Variants in GFAP observed in about 807,000 individuals in gnomAD.
GFAP encodes the protein intermediate filament protein.
A neutral mutation model predicts 49.3 loss-of-function variants in GFAP; 38 were observed. The observed-to-expected ratio is 0.77, with a 90% CI of 0.60 to 1.01. The LOEUF is 1.01. Among genes scored for constraint, GFAP ranks in the 50% least tolerant of loss-of-function variants. GFAP has a pLI of 0.00. For synonymous variants in GFAP, 222 were observed against 236.4 expected, an observed-to-expected ratio of 0.94 and a Z score of 0.56; for missense variants, 463 against 579.1, an observed-to-expected ratio of 0.80 and a Z score of 2.06.
rs980596796 is a variant in GFAP, at chr17:44,907,140, T to C, written c.*207A>G. 35 of 615,368 alleles carry C rather than the reference T, an allele frequency of 5.7e-5. No homozygotes were observed. The highest frequency in any genetic ancestry group is 3.6e-4 in the Admixed American group (14 of 38,976). 38.1% of individuals were successfully genotyped at this position (615,368 alleles called of 1,614,324 possible). On this transcript the variant is annotated 3_prime_UTR_variant, in exon 9 of 9. Coordinates refer to ENST00000588735, the MANE Select transcript of GFAP (RefSeq NM_002055.5). ...TGAGTTTCTTGTTAGTTGGAGTTGC[T>C]GGGTGCTGGGTGGGTGCCGTCTGGC...
chr17:44,908,008 G>T, intron 8 of GFAP, 56 bp downstream of exon 8: 2 of 1,218,188 alleles, frequency 1.6e-6, no homozygotes, highest in African/African-American at 1.5e-5. Context: ...CCATGGCCTG[G>T]CCTTGAGAAT....
chr17:44,914,259 G>A (rs950267380), intron 1 of GFAP, 171 bp from the exon 2 acceptor site: 1 of 608,480 alleles, frequency 1.6e-6, no homozygotes, highest in Non-Finnish European at 3.0e-6. Flanking sequence ...TCTGGAGGAT[G>A]AGCAGATGTG....
In GFAP at chr17:44,903,764, A is replaced by G; in HGVS notation, c.*3583T>C. 1 of 1,477,500 alleles carries G rather than the reference A, an allele frequency of 6.8e-7. No individual in the cohort carries two copies. Among genetic ancestry groups the G allele is most frequent in the East Asian group, 2.5e-5 (1 of 40,444 alleles). 91.5% of individuals were successfully genotyped at this position (1,477,500 alleles called of 1,614,324 possible). On this transcript the variant is annotated 3_prime_UTR_variant, in exon 9 of 9. Transcript: ENST00000588735. ...AGGCTTCCGCTTAGCAGAGCTTTCT[A>G]GGAGCCCTATGAGCCTTTAATGCCC... is the stretch of plus-strand genomic sequence containing the variant.
At chr17:44,911,592 C>A in intron 5 of GFAP, 80 bp downstream of exon 5, 1 of 1,587,966 alleles carries the variant, frequency 6.3e-7, no homozygotes, top group Non-Finnish European at 8.6e-7. Context: ...AGGTCCTCGT[C>A]CCTGGCCCTT....
At position 44,915,293 on chromosome 17, in the gene GFAP, G is replaced by A. The variant is rs553164022; in HGVS notation, c.194C>T (p.Thr65Ile). The change falls in exon 1 of 9, where the codon ACC becomes ATC. Residue 65 changes from threonine to isoleucine, a missense_variant. Physicochemically the swap from Thr to Ile is moderately conservative, Grantham distance 89. Coordinates refer to ENST00000588735, the MANE Select transcript of GFAP (RefSeq NM_002055.5). This position sits in a 1 kb window ranked among gnomAD's most constrained non-coding sequence, Gnocchi z 4.1. ...AGALNAGFKE[T>I]RASERAEMME... ...CATCTCTGCCCGCTCACTGGCCCGG[G>A]TCTCCTTGAAGCCAGCATTGAGTGC... 1 of 1,614,130 alleles carries A rather than the reference G, an allele frequency of 6.2e-7. No homozygotes were observed. The highest frequency in any genetic ancestry group is 2.2e-5 in the East Asian group (1 of 44,878).
chr17:44,912,116 T>G (rs923538930), intron 4 of GFAP, among the ~76,000 whole-genome samples: 2 of 151,258 alleles, frequency 1.3e-5, no homozygotes, highest in Non-Finnish European at 2.9e-5. Context: ...GTGTTTTTGT[T>G]TTTTTGTTTT....
chr17:44,913,899 C>T (rs267607668), intron 2 of GFAP, 76 bp from the exon 3 acceptor site: 3 of 1,383,258 alleles, frequency 2.2e-6, no homozygotes, highest in Admixed American at 1.7e-5. Context: ...TCAGCCTTGC[C>T]TTACCCCTCC....
At position 44,905,181 on chromosome 17, in the gene GFAP, A is replaced by G; in HGVS notation, c.*2166T>C. On this transcript the variant is annotated 3_prime_UTR_variant, in exon 9 of 9. Coordinates refer to ENST00000588735, the MANE Select transcript of GFAP (RefSeq NM_002055.5). ...TGGGACAGGTGGTAGGAACATGTGG[A>G]CAAATCTGTTACAGCCTGCTCCCCA... 1 of 829,806 alleles carries G rather than the reference A, an allele frequency of 1.2e-6. No homozygotes were observed. The allele number at this position is 829,806 out of a possible 1,614,324, so 51.4% of individuals were successfully genotyped here. A position where few individuals can be genotyped will look rare whatever the true frequency, so the allele number is the denominator to read the frequency against.
At position 44,903,657 on chromosome 17, in the gene GFAP, G is replaced by C; in HGVS notation, c.*3690C>G. On this transcript the variant is annotated 3_prime_UTR_variant, in exon 9 of 9. Transcript: ENST00000588735. ...AGAAGGGCATCTTGTACATCCACTG[G>C]GAATAAATTGCCTTGCACTTGGCGG... 3 of 1,433,458 alleles carry C rather than the reference G, an allele frequency of 2.1e-6. No homozygotes were observed. Among genetic ancestry groups the C allele is most frequent in the Non-Finnish European group, 2.7e-6 (3 of 1,099,954 alleles). The allele number at this position is 1,433,458 out of a possible 1,614,324, so 88.8% of individuals were successfully genotyped here.
In GFAP at chr17:44,903,394, C is replaced by G; in HGVS notation, c.*3953G>C. On this transcript the variant is annotated 3_prime_UTR_variant, in exon 9 of 9. Coordinates refer to ENST00000588735, the MANE Select transcript of GFAP (RefSeq NM_002055.5). ...CCAGCCTCCCGGATGGCCAGATATG[C>G]AGGAGGGTGGGTTTCCTTCATCCCC... The G allele has an allele frequency of 8.0e-7, 1 of 1,251,090 alleles. No homozygotes were observed. Among genetic ancestry groups the G allele is most frequent in the Non-Finnish European group, 1.0e-6 (1 of 999,304 alleles). 77.5% of individuals were successfully genotyped at this position (1,251,090 alleles called of 1,614,324 possible).
At chr17:44,914,169 T>TATTCAA in intron 1 of GFAP, 81 bp from the exon 2 acceptor site, 1 of 1,032,424 alleles carries the variant, frequency 9.7e-7, no homozygotes, top group Non-Finnish European at 1.5e-6. Context: ...TTGAGGCAGC[T>TATTCAA]GTCACAGAGA....
In GFAP at chr17:44,915,356, G is replaced by A. The variant is rs1353517133; in HGVS notation, c.131C>T (p.Pro44Leu). Residue 44 changes from proline (P) to leucine (L), a missense_variant, in exon 1 of 9, where the codon CCT becomes CTT. By Grantham distance (98) the Pro-to-Leu change is moderately conservative. This residue lies in a region of GFAP where 89 missense variants were observed against 87.5 expected (regional missense o/e 1.02). Transcript: ENST00000588735. This position sits in a 1 kb window ranked among gnomAD's most constrained non-coding sequence, Gnocchi z 4.1. ...GAAATCCACCCGGGTCGGGAGTGGAGGGGGCATTCGAGCCAGGGAGAGGCG... is the reference window on the plus strand; with the variant it reads ...GAAATCCACCCGGGTCGGGAGTGGAAGGGGCATTCGAGCCAGGGAGAGGCG... ...GTRLSLARMP[P>L]PLPTRVDFSL... is the part of the protein sequence containing the mutation. 1.2e-6 allele frequency: 2 copies of A among 1,611,396 alleles called. No individual in the cohort carries two copies. The highest frequency in any genetic ancestry group is 1.3e-5 in the African/African-American group (1 of 74,904).
chr17:44,915,468 T>C lies in GFAP; in HGVS notation c.19A>G (p.Thr7Ala), dbSNP rs1567779198. Residue 7 changes from threonine (T) to alanine (A), a missense_variant, in exon 1 of 9, where the codon ACC becomes GCC. Physicochemically the swap from Thr to Ala is moderately conservative, Grantham distance 58. This residue lies in a region of GFAP where 89 missense variants were observed against 87.5 expected (regional missense o/e 1.02). Coordinates refer to ENST00000588735, the MANE Select transcript of GFAP (RefSeq NM_002055.5). This position sits in a 1 kb window ranked among gnomAD's most constrained non-coding sequence, Gnocchi z 4.1. MERRRI[T>A]SAARRSYVSS... ...ACGTAGGAGCGGCGAGCAGCGGAGGTGATGCGTCTCCTCTCCATCCTGCTC... is the reference window on the plus strand; with the variant it reads ...ACGTAGGAGCGGCGAGCAGCGGAGGCGATGCGTCTCCTCTCCATCCTGCTC... 1 of 1,589,780 alleles carries C rather than the reference T, an allele frequency of 6.3e-7. No individual in the cohort carries two copies. Among genetic ancestry groups the C allele is most frequent in the Non-Finnish European group, 8.6e-7 (1 of 1,169,064 alleles).
chr17:44,904,566 C>CAA lies in GFAP; in HGVS notation c.*2779_*2780dup. 1 of 1,550,590 alleles carries CAA rather than the reference C, an allele frequency of 6.4e-7. No individual in the cohort carries two copies. Reference sequence around the variant, plus strand: ...AGCTGCTTAGTACCCTGTGAGAAGACAAAGACCATCCGGGAGGGCGTGCTG... The same window carrying CAA: ...AGCTGCTTAGTACCCTGTGAGAAGACAAAAAGACCATCCGGGAGGGCGTGCTG... On this transcript the variant is annotated 3_prime_UTR_variant, in exon 9 of 9. Transcript: ENST00000588735.
Position 44,903,980 on chromosome 17 carries a change from C to T in GFAP, c.*3367G>A. ...CTACCTGGCCGACATGAGCTTTGAGCTTCCCTGTCACTGCAAACCCGAAGA... is the reference window on the plus strand; with the variant it reads ...CTACCTGGCCGACATGAGCTTTGAGTTTCCCTGTCACTGCAAACCCGAAGA... On this transcript the variant is annotated 3_prime_UTR_variant, in exon 9 of 9. Coordinates refer to ENST00000588735, the MANE Select transcript of GFAP (RefSeq NM_002055.5). 2 of 1,550,646 alleles carry T rather than the reference C, an allele frequency of 1.3e-6. No individual in the cohort carries two copies. The highest frequency in any genetic ancestry group is 1.7e-6 in the Non-Finnish European group (2 of 1,147,012).
intron 1 of GFAP, chr17:44,914,381 A>C: frequency 2.2e-6 from 1 of 448,914 alleles, no homozygotes; most frequent in Non-Finnish European, 4.0e-6. Flanking sequence ...ACACACACAC[A>C]CACGCACATG....
chr17:44,903,602 C>T lies in GFAP; in HGVS notation c.*3745G>A. 1 of 1,405,540 alleles carries T rather than the reference C, an allele frequency of 7.1e-7. No homozygotes were observed. Among genetic ancestry groups the T allele is most frequent in the Non-Finnish European group, 9.2e-7 (1 of 1,086,806 alleles). 87.1% of individuals were successfully genotyped at this position (1,405,540 alleles called of 1,614,324 possible). The stretch of plus-strand genomic sequence containing the variant: ...GGCCAGGTTCTAGAATGGCTTTCCC[C>T]CCCCACCCTGAGATCAGGTCTGGAA... On this transcript the variant is annotated 3_prime_UTR_variant, in exon 9 of 9. Transcript: ENST00000588735.
chr17:44,910,806 A>C, intron 6 of GFAP, 148 bp from the exon 7 acceptor site: 1 of 1,202,766 alleles, frequency 8.3e-7, no homozygotes, highest in South Asian at 1.5e-5. Context: ...CCCAGCAGCC[A>C]ACGTGCTATC....
At chr17:44,911,119 G>T in intron 6 of GFAP, 117 bp downstream of exon 6, 2 of 887,672 alleles carry the variant, frequency 2.3e-6, no homozygotes, top group Non-Finnish European at 3.8e-6. Context: ...GCTGGGCATT[G>T]AGGTGGGAAG....
Sources: allele counts gnomAD v4.1 joint callset (sites outside exome capture counted in the v4.1 genomes callset), GRCh38; gene constraint gnomAD v4.1.1; regional missense constraint gnomAD v4.1.1; non-coding constraint Gnocchi (gnomAD v3.1); transcripts MANE v1.5; gene names NCBI Gene and HGNC (gene_info 2026-07-23, HGNC 2026-07-21).